Variants in OSBPL11 observed in about 807,000 individuals in gnomAD.
OSBPL11 encodes the protein oxysterol binding protein like 11, also known as oxysterol-binding protein-related protein 11.
In OSBPL11, 33 loss-of-function variants were observed where a neutral mutation model predicts 84.4. The ratio of observed to expected loss-of-function variants is 0.39; its 90% CI spans 0.30 to 0.52. OSBPL11 has a LOEUF of 0.52. Among genes scored for constraint, OSBPL11 ranks in the 20% least tolerant of loss-of-function variants. OSBPL11 has a pLI of 0.72. For missense variants in OSBPL11, 736 were observed against 901.1 expected (o/e 0.82, Z 2.35); for synonymous variants, 276 against 310.2 (o/e 0.89, Z 1.16).
chr3:125,547,018 T>C (rs897229372), intron 10 of OSBPL11, among the ~76,000 whole-genome samples: 2 of 152,196 alleles, frequency 1.3e-5, no homozygotes, highest in African/African-American at 2.4e-5. Flanking sequence ...GCTTTAATCA[T>C]TGTGCTTCTT....
Position 125,546,520 on chromosome 3 carries a change from C to T in OSBPL11, c.1841+886G>A, listed in dbSNP as rs148824251. 2.6e-3 allele frequency among the ~76,000 whole-genome samples: 399 copies of T among 152,154 alleles called. 2 individuals are homozygous for T. Among genetic ancestry groups the T allele is most frequent in the African/African-American group, 9.1e-3 (379 of 41,522 alleles). ...GCTAATTTTGTATTTTTAGTAGAGA[C>T]GGAGTCTCGTCATGTTGGCTAGGCT... On this transcript the variant is annotated intron_variant, in intron 10 of 12. Coordinates refer to ENST00000296220, the MANE Select transcript of OSBPL11 (RefSeq NM_022776.5).
chr3:125,557,741 T>C (rs1457830700), intron 8 of OSBPL11, among the ~76,000 whole-genome samples: 1 of 151,746 alleles, frequency 6.6e-6, no homozygotes. Context: ...ATGTTCTTAA[T>C]TTGTGGTTGG....
intron 11 of OSBPL11, among the ~76,000 whole-genome samples, chr3:125,532,413 A>G (rs1471490447): frequency 6.6e-6 from 1 of 152,110 alleles, no homozygotes; most frequent in Non-Finnish European, 1.5e-5. Flanking sequence ...AAACCAGGCA[A>G]CATATAATAC....
At chr3:125,553,766 G>A (rs1017346132) in intron 8 of OSBPL11, among the ~76,000 whole-genome samples, 7 of 152,200 alleles carry the variant, frequency 4.6e-5, no homozygotes, top group African/African-American at 1.7e-4. Context: ...TAAAAAGACG[G>A]TTTTGAAGAT....
intron 11 of OSBPL11, among the ~76,000 whole-genome samples, chr3:125,534,025 C>T (rs1200670801): frequency 6.6e-6 from 1 of 152,022 alleles, no homozygotes; most frequent in Non-Finnish European, 1.5e-5. Context: ...CAGAGTTTTG[C>T]CATGTTACCC....
chr3:125,586,988 A>G (rs567443991), intron 1 of OSBPL11, among the ~76,000 whole-genome samples: 2 of 152,238 alleles, frequency 1.3e-5, no homozygotes, highest in Non-Finnish European at 2.9e-5. Context: ...CAAAAAGGCA[A>G]TAACTAATAA....
chr3:125,531,171 G>T (rs1339479888), intron 12 of OSBPL11, among the ~76,000 whole-genome samples: 3 of 151,468 alleles, frequency 2.0e-5, no homozygotes, highest in African/African-American at 4.9e-5. Flanking sequence ...TAGAGATGGG[G>T]GTTTCACCAT....
intron 10 of OSBPL11, among the ~76,000 whole-genome samples, chr3:125,544,516 G>C (rs1222775043): frequency 6.6e-6 from 1 of 152,136 alleles, no homozygotes; most frequent in Non-Finnish European, 1.5e-5. Flanking sequence ...TTGCTATCTA[G>C]GTGCTAATAT....
intron 10 of OSBPL11, among the ~76,000 whole-genome samples, chr3:125,544,335 C>T (rs904366654): frequency 3.9e-5 from 6 of 152,110 alleles, no homozygotes; most frequent in African/African-American, 7.2e-5. Flanking sequence ...GGATTACAGG[C>T]GTGAGCTACT....
In OSBPL11 at chr3:125,540,977, A is replaced by G. The variant is rs532179895; in HGVS notation, c.1842-2344T>C. 7.9e-5 allele frequency among the ~76,000 whole-genome samples: 12 copies of G among 152,338 alleles called. No individual in the cohort carries two copies. The South Asian group carries it at 2.5e-3, about 32-fold the overall frequency. On this transcript the variant is annotated intron_variant, in intron 10 of 12. Coordinates refer to ENST00000296220, the MANE Select transcript of OSBPL11 (RefSeq NM_022776.5). ...GTAAGGTAATCATCACACTTCTTCCATAAAGAGCCAGAAAGTAACTATCTC... is the reference window on the plus strand; with the variant it reads ...GTAAGGTAATCATCACACTTCTTCCGTAAAGAGCCAGAAAGTAACTATCTC...
At chr3:125,541,689 C>G (rs984221685) in intron 10 of OSBPL11, among the ~76,000 whole-genome samples, 1 of 152,128 alleles carries the variant, frequency 6.6e-6, no homozygotes, top group Non-Finnish European at 1.5e-5. Flanking sequence ...GCCATCCACC[C>G]GCCTCAACCT....
In OSBPL11 at chr3:125,552,259, T is replaced by G; in HGVS notation, c.1576A>C (p.Lys526Gln). ...SGFYAECTER[K>Q]MCVNAHVWTK... ...CAGACATGCGCATTTACACACATCT[T>G]CCTCTCTGTACATTCTGCATAAAAT... Residue 526 changes from lysine (K) to glutamine (Q), a missense_variant, in exon 9 of 13, where the codon AAG becomes CAG. Lys to Gln is a moderately conservative substitution (Grantham distance 53). This residue lies in a region of OSBPL11 where 579 missense variants were observed against 717.6 expected (regional missense o/e 0.81). Transcript: ENST00000296220. 1 of 1,614,020 alleles carries G rather than the reference T, an allele frequency of 6.2e-7. No individual in the cohort carries two copies. Among genetic ancestry groups the G allele is most frequent in the Non-Finnish European group, 8.5e-7 (1 of 1,179,986 alleles).
At chr3:125,583,626 C>CACACATGTA (rs1936461693) in intron 1 of OSBPL11, among the ~76,000 whole-genome samples, 1 of 148,080 alleles carries the variant, frequency 6.8e-6, no homozygotes, top group South Asian at 2.1e-4. Context: ...TGCAGTGGCT[C>CACACATGTA]ACACATGTAA....
At chr3:125,577,997 T>G (rs1936356250) in intron 4 of OSBPL11, among the ~76,000 whole-genome samples, 1 of 152,074 alleles carries the variant, frequency 6.6e-6, no homozygotes, top group East Asian at 1.9e-4. Context: ...AGAAATGAAA[T>G]CATATGTTCA....
At position 125,563,784 on chromosome 3, in the gene OSBPL11, C is replaced by A; in HGVS notation, c.928G>T (p.Ala310Ser). The A allele has an allele frequency of 6.2e-7, 1 of 1,614,180 alleles. No individual in the cohort carries two copies. The highest frequency in any genetic ancestry group is 2.2e-5 in the East Asian group (1 of 44,886). ...TGATCAGTTGCAAAGGGCTGGTCAGCTCCATTTTTATAGTGGTTTGATAAA... is the reference window on the plus strand; with the variant it reads ...TGATCAGTTGCAAAGGGCTGGTCAGATCCATTTTTATAGTGGTTTGATAAA... ...ISLSNHYKNG[A>S]DQPFATDQSK... The change falls in exon 7 of 13, where the codon GCT (alanine) becomes TCT (serine). Residue 310 changes from alanine (A) to serine (S), a missense_variant. This residue lies in a region of OSBPL11 where 579 missense variants were observed against 717.6 expected (regional missense o/e 0.81). Transcript: ENST00000296220.
At chr3:125,546,426 T>C (rs1447719883) in intron 10 of OSBPL11, among the ~76,000 whole-genome samples, 1 of 152,052 alleles carries the variant, frequency 6.6e-6, no homozygotes, top group Non-Finnish European at 1.5e-5. Flanking sequence ...CTCTGCCTAC[T>C]GGGTTCAAGT....
In OSBPL11 at chr3:125,560,338, G is replaced by A. The variant is rs767955283; in HGVS notation, c.1155+41C>T. 4.8e-6 allele frequency: 7 copies of A among 1,451,756 alleles called. No individual in the cohort carries two copies. The East Asian group carries it at 1.5e-4, about 31-fold the overall frequency. The allele number at this position is 1,451,756 out of a possible 1,614,324, so 89.9% of individuals were successfully genotyped here. ...ATAAACATGAACAATTACTGGTACAGCCCTTAACAATCTCCATAGCCAGCT... is the reference window on the plus strand; with the variant it reads ...ATAAACATGAACAATTACTGGTACAACCCTTAACAATCTCCATAGCCAGCT... On this transcript the variant is annotated intron_variant, in intron 8 of 12. Transcript: ENST00000296220.
intron 8 of OSBPL11, among the ~76,000 whole-genome samples, chr3:125,556,783 T>C (rs908230804): frequency 1.3e-5 from 2 of 152,160 alleles, no homozygotes; most frequent in Admixed American, 6.6e-5. Context: ...AGTAAAACTA[T>C]AGCAAAAAGT....
Position 125,576,293 on chromosome 3 carries a change from G to A in OSBPL11, c.562C>T (p.Pro188Ser). The A allele has an allele frequency of 6.2e-7, 1 of 1,610,604 alleles. No individual in the cohort carries two copies. The highest frequency in any genetic ancestry group is 8.5e-7 in the Non-Finnish European group (1 of 1,178,788). The stretch of plus-strand genomic sequence containing the variant: ...AAAAAAGAAATGGCATTTTGACTTG[G>A]TCTCCTCTGCGATATAGGAGAATTA... ...SSNSPISQRR[P>S]SQNAISFFNV... Residue 188 changes from proline (P) to serine (S), a missense_variant, in exon 5 of 13, where the codon CCA (proline) becomes TCA (serine). Physicochemically the swap from Pro to Ser is moderately conservative, Grantham distance 74. Around this residue, in one of 3 missense-constraint regions of OSBPL11, gnomAD observed 579 missense variants for 717.6 expected, o/e 0.81. Transcript: ENST00000296220.
Sources: allele counts gnomAD v4.1 joint callset (sites outside exome capture counted in the v4.1 genomes callset), GRCh38; gene constraint gnomAD v4.1.1; regional missense constraint gnomAD v4.1.1; transcripts MANE v1.5; gene names NCBI Gene and HGNC (gene_info 2026-07-23, HGNC 2026-07-21).